PLCXD3: variants seen among roughly 807,000 people sequenced by gnomAD.
PLCXD3 encodes PI-PLC X domain-containing protein 3.
A neutral mutation model predicts 25.5 loss-of-function variants in PLCXD3; 19 were observed. The ratio of observed to expected loss-of-function variants is 0.75; its 90% CI spans 0.52 to 1.09. The LOEUF is 1.09. Ranked by LOEUF, PLCXD3 falls within the 50% of genes least tolerant of loss-of-function variation. The pLI is 0.00. For missense variants in PLCXD3, 411 were observed against 388.1 expected (o/e 1.06, Z -0.50); for synonymous variants, 174 against 137.6 (o/e 1.26, Z -1.85).
intron 1 of PLCXD3, among the ~76,000 whole-genome samples, chr5:41,476,726 G>A (rs1357781413): frequency 6.6e-6 from 1 of 152,138 alleles, no homozygotes; most frequent in African/African-American, 2.4e-5. Flanking sequence ...AGTCCTGTGA[G>A]TCCCCCTAGC....
At chr5:41,503,614 T>C (rs1407932270) in intron 1 of PLCXD3, among the ~76,000 whole-genome samples, 1 of 152,142 alleles carries the variant, frequency 6.6e-6, no homozygotes, top group African/African-American at 2.4e-5. Context: ...AATAAAAACA[T>C]ATGGTGCTGT....
chr5:41,409,705 C>T (rs2150502756), intron 1 of PLCXD3, among the ~76,000 whole-genome samples: 1 of 152,246 alleles, frequency 6.6e-6, no homozygotes, highest in South Asian at 2.1e-4. Flanking sequence ...ATTGTGCCCT[C>T]AACAAAAGGC....
chr5:41,421,673 C>A (rs1746829628), intron 1 of PLCXD3, among the ~76,000 whole-genome samples: 3 of 152,048 alleles, frequency 2.0e-5, no homozygotes, highest in Non-Finnish European at 4.4e-5. Flanking sequence ...TGCAGTCAGG[C>A]CTGGGCGAAA....
intron 1 of PLCXD3, among the ~76,000 whole-genome samples, chr5:41,486,040 A>G (rs1296072902): frequency 6.6e-6 from 1 of 152,194 alleles, no homozygotes; most frequent in Admixed American, 6.5e-5. Context: ...ATGAGGCATC[A>G]GGAGCCTGGG....
At chr5:41,382,884 A>G (rs1264283321) in intron 1 of PLCXD3, among the ~76,000 whole-genome samples, 1 of 152,122 alleles carries the variant, frequency 6.6e-6, no homozygotes, top group Non-Finnish European at 1.5e-5. Context: ...GATATCTATG[A>G]AGACTCACCA....
intron 2 of PLCXD3, among the ~76,000 whole-genome samples, chr5:41,349,203 G>T (rs180951447): frequency 6.5e-4 from 99 of 152,202 alleles, no homozygotes; most frequent in Middle Eastern, 6.8e-3. Flanking sequence ...TTCTTAGGTT[G>T]GGTCTTTTGT....
At chr5:41,360,043 T>C (rs1744729784) in intron 2 of PLCXD3, among the ~76,000 whole-genome samples, 1 of 152,166 alleles carries the variant, frequency 6.6e-6, no homozygotes, top group African/African-American at 2.4e-5. Flanking sequence ...TAAAAAATTC[T>C]TTTTTATTTG....
At chr5:41,320,880 T>C (rs1321448714) in intron 2 of PLCXD3, among the ~76,000 whole-genome samples, 1 of 152,210 alleles carries the variant, frequency 6.6e-6, no homozygotes, top group Non-Finnish European at 1.5e-5. Context: ...GAAAAAGCAT[T>C]TGATAGAAGT....
At chr5:41,462,828 T>C (rs1747922881) in intron 1 of PLCXD3, among the ~76,000 whole-genome samples, 1 of 151,878 alleles carries the variant, frequency 6.6e-6, no homozygotes, top group Non-Finnish European at 1.5e-5. Context: ...GGCCCAACTT[T>C]GAAAAATGAT....
intron 1 of PLCXD3, among the ~76,000 whole-genome samples, chr5:41,408,632 GTC>G (rs1425397387): frequency 1.3e-5 from 2 of 152,092 alleles, no homozygotes; most frequent in African/African-American, 4.8e-5. Context: ...TTAATAAACT[GTC>G]TGAGGTTATT....
At chr5:41,401,673 A>G (rs1249822561) in intron 1 of PLCXD3, among the ~76,000 whole-genome samples, 3 of 152,040 alleles carry the variant, frequency 2.0e-5, no homozygotes, top group Non-Finnish European at 2.9e-5. Context: ...TTTCTAAAAG[A>G]GTTTGTGTAA....
intron 2 of PLCXD3, among the ~76,000 whole-genome samples, chr5:41,318,648 C>T (rs60390579): frequency 6.6e-6 from 1 of 151,972 alleles, no homozygotes; most frequent in Non-Finnish European, 1.5e-5. Flanking sequence ...GTAAAGTCAA[C>T]TTCACTAGAG....
At chr5:41,491,672 C>T (rs1748675190) in intron 1 of PLCXD3, among the ~76,000 whole-genome samples, 1 of 151,954 alleles carries the variant, frequency 6.6e-6, no homozygotes, top group African/African-American at 2.4e-5. Context: ...TGAATTCATC[C>T]CTTTAGCATT....
intron 2 of PLCXD3, among the ~76,000 whole-genome samples, chr5:41,354,576 G>C (rs1030867277): frequency 2.0e-5 from 3 of 151,772 alleles, no homozygotes; most frequent in African/African-American, 4.9e-5. Flanking sequence ...TAGTCATATG[G>C]TATCTAAATT....
chr5:41,371,298 C>A (rs2150488780), intron 2 of PLCXD3, among the ~76,000 whole-genome samples: 1 of 152,176 alleles, frequency 6.6e-6, no homozygotes, highest in South Asian at 2.1e-4. Context: ...AAAAAGCAGC[C>A]CCTGACAACT....
intron 2 of PLCXD3, 103 bp from the exon 3 acceptor site, chr5:41,313,873 T>C: frequency 7.5e-7 from 1 of 1,337,424 alleles, no homozygotes. Context: ...TTAAAATAAA[T>C]GTTTCACGTA....
intron 1 of PLCXD3, among the ~76,000 whole-genome samples, chr5:41,390,426 T>C (rs564065966): frequency 1.3e-5 from 2 of 152,254 alleles, no homozygotes; most frequent in East Asian, 3.9e-4. Flanking sequence ...TTTTAAGAAA[T>C]TGACAAATTT....
intron 2 of PLCXD3, among the ~76,000 whole-genome samples, chr5:41,333,057 C>A (rs1477550641): frequency 1.3e-5 from 2 of 152,002 alleles, no homozygotes; most frequent in African/African-American, 4.8e-5. Flanking sequence ...AACTAACCTG[C>A]ACATTGTGCA....
intron 1 of PLCXD3, among the ~76,000 whole-genome samples, chr5:41,385,396 CT>C (rs1470405350): frequency 6.6e-6 from 1 of 152,056 alleles, no homozygotes; most frequent in African/African-American, 2.4e-5. Flanking sequence ...TCCATTTGCC[CT>C]CTCTCCTCAG....
Sources: gnomAD v4.1 joint callset for allele counts (sites outside exome capture counted in the v4.1 genomes callset) on GRCh38, gnomAD v4.1.1 for gene constraint, MANE v1.5 for transcripts, NCBI Gene and HGNC (gene_info 2026-07-23, HGNC 2026-07-21) for gene names.